Variants in GNG7 observed in about 807,000 individuals in gnomAD.
The protein encoded by GNG7 is G protein subunit gamma 7, also known as guanine nucleotide-binding protein G(I)/G(S)/G(O) subunit gamma-7.
In GNG7, 1 loss-of-function variant was observed where a neutral mutation model predicts 4.0. That is an observed-to-expected ratio of 0.25 (90% CI 0.09 to 1.18). The LOEUF (loss-of-function observed/expected upper bound fraction) is 1.18, where lower values mean the gene tolerates loss of function less well. Among genes scored for constraint, GNG7 ranks in the 50% most tolerant of loss-of-function variants. The pLI, the probability that GNG7 is intolerant of heterozygous loss-of-function variation, is 0.50. For synonymous variants in GNG7, 34 were observed against 36.9 expected (o/e 0.92, Z 0.29); for missense variants, 86 against 91.9 (o/e 0.94, Z 0.26).
chr19:2,695,331 A>G (rs1913219348), intron 1 of GNG7, among the ~76,000 whole-genome samples: 1 of 151,096 alleles, frequency 6.6e-6, no homozygotes, highest in Non-Finnish European at 1.5e-5. Context: ...TTCAGCTCCT[A>G]GAACACACAG....
At chr19:2,638,585 G>A (rs1365242785) in intron 2 of GNG7, among the ~76,000 whole-genome samples, 1 of 145,144 alleles carries the variant, frequency 6.9e-6, no homozygotes, top group Non-Finnish European at 1.5e-5. Context: ...GAGAAAGAAA[G>A]AGTCTCTCCC....
At chr19:2,627,400 GGCCCCAGCCC>G (rs1251399462) in intron 2 of GNG7, among the ~76,000 whole-genome samples, 2 of 152,142 alleles carry the variant, frequency 1.3e-5, no homozygotes, top group African/African-American at 4.8e-5. Flanking sequence ...CCCAGAGTGG[GGCCCCAGCCC>G]TGTGGCCGCC....
chr19:2,575,799 A>G (rs111164769), intron 2 of GNG7, among the ~76,000 whole-genome samples: 33 of 110,698 alleles, frequency 3.0e-4, no homozygotes, highest in African/African-American at 1.2e-3. Flanking sequence ...GCAGGCACAC[A>G]CAGACATGCA....
chr19:2,655,122 G>A (rs1241020857), intron 1 of GNG7, among the ~76,000 whole-genome samples: 7 of 150,246 alleles, frequency 4.7e-5, no homozygotes, highest in Admixed American at 4.0e-4. Context: ...CTGGGAGGTC[G>A]AGGCTACAGT....
chr19:2,702,309 C>T (rs1005840565), intron 1 of GNG7, among the ~76,000 whole-genome samples: 6 of 149,864 alleles, frequency 4.0e-5, no homozygotes, highest in Non-Finnish European at 7.4e-5. Context: ...AGACCCAATC[C>T]TTCCCCAGCT....
At chr19:2,610,450 C>G (rs909940835) in intron 2 of GNG7, 1 of 151,960 alleles carries the variant, frequency 6.6e-6, no homozygotes, top group African/African-American at 2.4e-5. Context: ...TGGGTTCAAG[C>G]GATTCTCCTG....
intron 1 of GNG7, among the ~76,000 whole-genome samples, chr19:2,689,475 T>G (rs1224857438): frequency 6.6e-6 from 1 of 151,342 alleles, no homozygotes; most frequent in Non-Finnish European, 1.5e-5. Context: ...ATACAAAAAA[T>G]AGCCGGGTGT....
chr19:2,682,392 C>T (rs910578623), intron 1 of GNG7, among the ~76,000 whole-genome samples: 13 of 151,634 alleles, frequency 8.6e-5, no homozygotes, highest in East Asian at 5.9e-4. Flanking sequence ...GAGCTGGGCA[C>T]GGAGGCTCAC....
At chr19:2,638,872 GA>G (rs1156561723) in intron 2 of GNG7, among the ~76,000 whole-genome samples, 2 of 152,240 alleles carry the variant, frequency 1.3e-5, no homozygotes, top group Middle Eastern at 3.4e-3. Context: ...AAATACAGGT[GA>G]TTTTTTTATA....
intron 4 of GNG7, among the ~76,000 whole-genome samples, chr19:2,517,933 G>A (rs1378071889): frequency 6.6e-6 from 1 of 152,218 alleles, no homozygotes; most frequent in East Asian, 1.9e-4. Context: ...CTGGGCAGCC[G>A]GGGGACGCTC....
chr19:2,626,732 G>A lies in GNG7; in HGVS notation c.-78+19492C>T, dbSNP rs570775092. ...TCTGTCCCCTCAGGGGACACTGGGCGGTGTCGGGGGACATCTGTAATTGTC... is the reference window on the plus strand; with the variant it reads ...TCTGTCCCCTCAGGGGACACTGGGCAGTGTCGGGGGACATCTGTAATTGTC... On this transcript the variant is annotated intron_variant, in intron 2 of 4. Coordinates refer to ENST00000382159, the MANE Select transcript of GNG7 (RefSeq NM_052847.3). The surrounding 1 kb of genome is among the most constrained non-coding windows in gnomAD (Gnocchi z 5.0). 3.2e-4 allele frequency among the ~76,000 whole-genome samples: 48 copies of A among 152,306 alleles called. No individual in the cohort carries two copies. The highest frequency in any genetic ancestry group is 6.2e-4 in the Non-Finnish European group (42 of 68,020).
At chr19:2,560,577 C>T (rs988273702) in intron 2 of GNG7, among the ~76,000 whole-genome samples, 12 of 151,876 alleles carry the variant, frequency 7.9e-5, no homozygotes, top group Admixed American at 7.9e-4. Flanking sequence ...ATGGGGTAGG[C>T]GGACGCTGCG....
chr19:2,572,566 G>C (rs1424778902), intron 2 of GNG7, among the ~76,000 whole-genome samples: 2 of 151,310 alleles, frequency 1.3e-5, no homozygotes, highest in East Asian at 1.9e-4. Context: ...TGAGTAGCTG[G>C]GACTACAGGT....
At position 2,512,154 on chromosome 19, in the gene GNG7, C is replaced by G. The variant is rs1050449841; in HGVS notation, c.*2868G>C. ...CGTAGCTGAGAGAGGCTTGTCCCCC[C>G]AAGGCTAGAGCTGCTGCTGCCACCC... On this transcript the variant is annotated 3_prime_UTR_variant, in exon 5 of 5. Coordinates refer to ENST00000382159, the MANE Select transcript of GNG7 (RefSeq NM_052847.3). The surrounding 1 kb of genome is among the most constrained non-coding windows in gnomAD (Gnocchi z 4.7). 2.1e-5 allele frequency: 21 copies of G among 985,736 alleles called. No individual in the cohort carries two copies. The highest frequency in any genetic ancestry group is 2.5e-5 in the Non-Finnish European group (21 of 829,992). The allele number at this position is 985,736 out of a possible 1,614,324, so 61.1% of individuals were successfully genotyped here.
In GNG7 at chr19:2,515,255, G is replaced by A. The variant is rs575723992; in HGVS notation, c.82-108C>T. On this transcript the variant is annotated intron_variant, in intron 4 of 4. Transcript: ENST00000382159. ...AGCCACAGGCGGAAACAGCTCAGGA[G>A]CCCATTGATGGGGGCGTGGGCAAAC... The A allele has an allele frequency of 3.6e-4, 505 of 1,393,774 alleles. No individual in the cohort carries two copies. The African/African-American group carries it at 6.6e-3, about 18-fold the overall frequency. 86.3% of individuals were successfully genotyped at this position (1,393,774 alleles called of 1,614,324 possible).
intron 1 of GNG7, among the ~76,000 whole-genome samples, chr19:2,685,768 C>A (rs936786995): frequency 2.0e-5 from 3 of 152,170 alleles, no homozygotes; most frequent in African/African-American, 7.2e-5. Flanking sequence ...CGTGACCGCC[C>A]GGTGTCCTCC....
intron 1 of GNG7, among the ~76,000 whole-genome samples, chr19:2,691,453 A>G (rs1423072547): frequency 6.6e-6 from 1 of 152,114 alleles, no homozygotes; most frequent in Admixed American, 6.6e-5. Context: ...CTGAGGTGGG[A>G]GAATCACTTG....
intron 3 of GNG7, among the ~76,000 whole-genome samples, chr19:2,524,758 G>A (rs928375675): frequency 2.0e-5 from 3 of 152,126 alleles, no homozygotes; most frequent in Admixed American, 6.5e-5. Flanking sequence ...GTGTGGACAC[G>A]GCACTGCATG....
At chr19:2,587,326 C>A (rs182092582) in intron 2 of GNG7, among the ~76,000 whole-genome samples, 2 of 152,150 alleles carry the variant, frequency 1.3e-5, no homozygotes, top group Non-Finnish European at 2.9e-5. Context: ...ACCTGCGTAC[C>A]CTGCGTTGCT....
Sources: gnomAD v4.1 joint callset for allele counts (sites outside exome capture counted in the v4.1 genomes callset) on GRCh38, gnomAD v4.1.1 for gene constraint, Gnocchi (gnomAD v3.1) non-coding constraint, MANE v1.5 for transcripts, NCBI Gene and HGNC (gene_info 2026-07-23, HGNC 2026-07-21) for gene names.